TENM4: variants seen among roughly 807,000 people sequenced by gnomAD.
TENM4 encodes teneurin-4.
Under a neutral mutation model 243.3 loss-of-function variants are expected in TENM4, and 82 were observed. That is an observed-to-expected ratio of 0.34 (90% confidence interval 0.28 to 0.40). The LOEUF (loss-of-function observed/expected upper bound fraction) is 0.40, where lower values mean the gene tolerates loss of function less well. TENM4 is among the 10% of genes least tolerant of loss of function. The pLI is 1.00. For synonymous variants in TENM4, 1,412 were observed against 1,456.3 expected (o/e 0.97, Z 0.69); for missense variants, 3,138 against 3,673.3 (o/e 0.85, Z 3.77).
chr11:79,350,428 CTT>C (rs71278671), intron 1 of TENM4, among the ~76,000 whole-genome samples: 14 of 134,468 alleles, frequency 1.0e-4, no homozygotes, highest in South Asian at 4.8e-4. Context: ...CCTTTCTTGG[CTT>C]TTTTTTTTTT....
rs571371827 is a variant in TENM4, at chr11:78,783,927, T to C, written c.2365+2971A>G. ...CTTGGCCATAAGGGGCCCAGATTTG[T>C]CTTGTTCTTTAAATTCTGTATTCCT... On this transcript the variant is annotated intron_variant, in intron 16 of 33. Transcript: ENST00000278550. Among the ~76,000 whole-genome samples the C allele has an allele frequency of 2.0e-5, 3 of 152,340 alleles. No individual in the cohort carries two copies. In the South Asian group the frequency reaches 6.2e-4, roughly 32 times the overall value.
chr11:78,908,598 C>T (rs546171972), intron 6 of TENM4, among the ~76,000 whole-genome samples: 1 of 152,338 alleles, frequency 6.6e-6, no homozygotes, highest in South Asian at 2.1e-4. Flanking sequence ...AACCTGCTGG[C>T]TCCTAGGAGC....
intron 9 of TENM4, among the ~76,000 whole-genome samples, chr11:78,882,015 C>G (rs1855442124): frequency 6.6e-6 from 1 of 152,184 alleles, no homozygotes; most frequent in African/African-American, 2.4e-5. Context: ...ACTTTTTCCT[C>G]CTTCTAAAAG....
At chr11:79,181,943 C>T (rs1436543610) in intron 3 of TENM4, among the ~76,000 whole-genome samples, 1 of 62,684 alleles carries the variant, frequency 1.6e-5, no homozygotes, top group Non-Finnish European at 3.0e-5. Flanking sequence ...GATGAAAGAT[C>T]AAAGAACTAA....
At chr11:79,146,916 A>T (rs1016975995) in intron 4 of TENM4, among the ~76,000 whole-genome samples, 1 of 152,144 alleles carries the variant, frequency 6.6e-6, no homozygotes. Flanking sequence ...AGAGGCAGCC[A>T]GTCACTGGAT....
intron 18 of TENM4, among the ~76,000 whole-genome samples, chr11:78,768,872 G>A (rs1428797754): frequency 6.6e-6 from 1 of 152,184 alleles, no homozygotes; most frequent in Non-Finnish European, 1.5e-5. Context: ...TACCACTGGT[G>A]CATTCTAGTG....
At chr11:79,131,058 T>C (rs1861993720) in intron 4 of TENM4, among the ~76,000 whole-genome samples, 1 of 151,996 alleles carries the variant, frequency 6.6e-6, no homozygotes, top group Non-Finnish European at 1.5e-5. Flanking sequence ...CTAAGAATAA[T>C]CAGCGTTCCT....
At chr11:78,715,822 A>G (rs993993575) in intron 25 of TENM4, among the ~76,000 whole-genome samples, 3 of 152,162 alleles carry the variant, frequency 2.0e-5, no homozygotes, top group Non-Finnish European at 4.4e-5. Context: ...CTGAACATTC[A>G]GCTCATTTCG....
At position 79,069,933 on chromosome 11, in the gene TENM4, C is replaced by A; in HGVS notation, c.12G>T (p.Lys4Asn). Residue 4 changes from lysine (K) to asparagine (N), a missense_variant, in exon 5 of 34, where the codon AAG becomes AAT. Around this residue, in one of 2 missense-constraint regions of TENM4, gnomAD observed 671 missense variants for 614.1 expected, o/e 1.09. Coordinates refer to ENST00000278550, the MANE Select transcript of TENM4 (RefSeq NM_001098816.3). ...TCAGCGAGCGGTAAGGCTTCCTCTC[C>A]TTCACGTCCATGGCCTCCGGCCCGC... is the stretch of plus-strand genomic sequence containing the variant. MDVKERKPYRSLTR... is the reference protein window; with the variant it reads MDVNERKPYRSLTR... 6.5e-7 allele frequency: 1 copy of A among 1,546,374 alleles called. No homozygotes were observed. Among genetic ancestry groups the A allele is most frequent in the Non-Finnish European group, 8.7e-7 (1 of 1,146,512 alleles).
chr11:79,417,428 A>G (rs1858841085), intron 1 of TENM4, among the ~76,000 whole-genome samples: 1 of 152,148 alleles, frequency 6.6e-6, no homozygotes, highest in Non-Finnish European at 1.5e-5. Flanking sequence ...GGACTTAAAG[A>G]TTTACAGGAA....
At chr11:79,424,135 G>T (rs888124052) in intron 1 of TENM4, among the ~76,000 whole-genome samples, 1 of 152,198 alleles carries the variant, frequency 6.6e-6, no homozygotes, top group Non-Finnish European at 1.5e-5. Context: ...AACCAGGGAC[G>T]GACAATCTTG....
At chr11:78,826,241 C>T (rs1857847490) in intron 12 of TENM4, among the ~76,000 whole-genome samples, 2 of 152,058 alleles carry the variant, frequency 1.3e-5, no homozygotes, top group Non-Finnish European at 2.9e-5. Context: ...GCATGTGCCA[C>T]CACGCCTGGC....
chr11:78,860,989 C>T (rs1858805664), intron 10 of TENM4, among the ~76,000 whole-genome samples: 1 of 152,322 alleles, frequency 6.6e-6, no homozygotes, highest in African/African-American at 2.4e-5. Context: ...ATAGATCCGA[C>T]TCCTGTTTAA....
intron 9 of TENM4, among the ~76,000 whole-genome samples, chr11:78,884,933 G>A (rs1206514901): frequency 6.6e-6 from 1 of 152,168 alleles, no homozygotes; most frequent in Non-Finnish European, 1.5e-5. Context: ...GGAGATTTCA[G>A]TGAGGAAACA....
chr11:78,984,749 A>G (rs1857881222), intron 6 of TENM4, among the ~76,000 whole-genome samples: 2 of 152,192 alleles, frequency 1.3e-5, no homozygotes, highest in Non-Finnish European at 2.9e-5. Flanking sequence ...CGGATTCTAG[A>G]GCTGTGCTGT....
chr11:79,261,404 G>GGCCT (rs1590833921), intron 2 of TENM4, among the ~76,000 whole-genome samples: 1 of 152,182 alleles, frequency 6.6e-6, no homozygotes, highest in East Asian at 1.9e-4. Flanking sequence ...TCCCATGCTA[G>GGCCT]GCCTGTTCCT....
chr11:78,932,149 C>T (rs1856682256), intron 6 of TENM4, among the ~76,000 whole-genome samples: 1 of 152,186 alleles, frequency 6.6e-6, no homozygotes, highest in South Asian at 2.1e-4. Context: ...GATGGCATTG[C>T]TAGAGGACGT....
chr11:78,752,628 T>C (rs1856216093), intron 19 of TENM4, among the ~76,000 whole-genome samples: 1 of 152,226 alleles, frequency 6.6e-6, no homozygotes, highest in Non-Finnish European at 1.5e-5. Flanking sequence ...GTTTTGTTGG[T>C]TGGACACAGG....
chr11:78,707,559 C>T lies in TENM4; in HGVS notation c.4209+802G>A, dbSNP rs200809708. 5.1e-3 allele frequency among the ~76,000 whole-genome samples: 782 copies of T among 152,368 alleles called. 4 individuals carry two copies. The highest frequency in any genetic ancestry group is 8.4e-3 in the Non-Finnish European group (571 of 68,036). On this transcript the variant is annotated intron_variant, in intron 27 of 33. Transcript: ENST00000278550. ...CTATGGTTTTCAATTTTCCACTATT[C>T]TTTGAGTGTACCAGCCTCATTAACA...
Sources: gnomAD v4.1 joint callset for allele counts (sites outside exome capture counted in the v4.1 genomes callset) on GRCh38, gnomAD v4.1.1 for gene constraint, gnomAD v4.1.1 regional missense constraint, MANE v1.5 for transcripts, NCBI Gene and HGNC (gene_info 2026-07-23, HGNC 2026-07-21) for gene names.